DMD: variants seen among roughly 807,000 people sequenced by gnomAD.
The protein encoded by DMD is mutant dystrophin.
A neutral mutation model predicts 330.1 loss-of-function variants in DMD; 63 were observed. The observed-to-expected ratio is 0.19, with a 90% CI of 0.16 to 0.24. The LOEUF (loss-of-function observed/expected upper bound fraction) is 0.24, where lower values mean the gene tolerates loss of function less well. DMD is among the 10% of genes least tolerant of loss of function. The pLI, the probability that DMD is intolerant of heterozygous loss-of-function variation, is 1.00. For synonymous variants in DMD, 1,223 were observed against 959.8 expected (o/e 1.27, Z -5.07); for missense variants, 3,344 against 2,684.1 (o/e 1.25, Z -5.43).
intron 7 of DMD, among the ~76,000 whole-genome samples, chrX:32,727,181 A>G (rs2066983107): frequency 9.0e-6 from 1 of 111,484 alleles, no homozygotes; most frequent in Non-Finnish European, 1.9e-5. Context: ...CTGGTACAAA[A>G]ATTCAGTTAG....
chrX:32,827,054 G>A lies in DMD; in HGVS notation c.265-3667C>T, dbSNP rs777108669. Among the ~76,000 whole-genome samples, 8 of 58,836 alleles carry A rather than the reference G, an allele frequency of 1.4e-4. 1 individual carries two copies. The highest frequency in any genetic ancestry group is 1.2e-3 in the South Asian group (2 of 1,678). The allele number at this position is 58,836 out of a possible 115,157, so 51.1% of individuals were successfully genotyped here. ...AAAATAAGTCATTGGAACACACATC[G>A]CACCCCCCCCCCACACACACACACA... On this transcript the variant is annotated intron_variant, in intron 4 of 78. Coordinates refer to ENST00000357033, the MANE Select transcript of DMD (RefSeq NM_004006.3).
At chrX:32,483,169 C>T (rs1175472354) in intron 21 of DMD, among the ~76,000 whole-genome samples, 39 of 34,565 alleles carry the variant, frequency 1.1e-3, no homozygotes, top group East Asian at 2.6e-3. Flanking sequence ...ATATATACAC[C>T]ATATTTAATT....
At chrX:31,428,010 T>C (rs2063809176) in intron 60 of DMD, among the ~76,000 whole-genome samples, 1 of 112,439 alleles carries the variant, frequency 8.9e-6, no homozygotes, top group Admixed American at 9.4e-5. Flanking sequence ...ATTTATCTTC[T>C]GGTTCAGTCA....
intron 1 of DMD, among the ~76,000 whole-genome samples, chrX:33,245,293 A>T (rs1373813204): frequency 2.7e-5 from 3 of 110,988 alleles, no homozygotes; most frequent in Non-Finnish European, 5.7e-5. Context: ...AGTAAAAAAA[A>T]AAAAAGAAAA....
intron 64 of DMD, among the ~76,000 whole-genome samples, chrX:31,220,973 ATTC>A (rs1219966510): frequency 4.4e-5 from 4 of 90,985 alleles, no homozygotes; most frequent in Non-Finnish European, 8.2e-5. Context: ...GTCCAAGACA[ATTC>A]TTCTTCCACT....
chrX:32,610,879 T>TG (rs1461727267), intron 12 of DMD, among the ~76,000 whole-genome samples: 7 of 111,068 alleles, frequency 6.3e-5, no homozygotes, highest in African/African-American at 2.3e-4. Context: ...TTACAATTCT[T>TG]GGGAAAAAAA....
At chrX:31,931,198 A>G (rs1225820475) in intron 46 of DMD, among the ~76,000 whole-genome samples, 4 of 111,562 alleles carry the variant, frequency 3.6e-5, no homozygotes, top group Non-Finnish European at 7.5e-5. Flanking sequence ...TAAATAAAAT[A>G]GTGGCTGTAA....
At chrX:33,265,164 T>C (rs373332854) in intron 1 of DMD, among the ~76,000 whole-genome samples, 24 of 110,437 alleles carry the variant, frequency 2.2e-4, no homozygotes, top group African/African-American at 7.2e-4. Context: ...AATTTTTTTT[T>C]CCCTAAAGAA....
chrX:31,486,976 G>A (rs898846651), intron 57 of DMD, among the ~76,000 whole-genome samples: 8 of 111,738 alleles, frequency 7.2e-5, no homozygotes, highest in Non-Finnish European at 1.3e-4. Flanking sequence ...ACTTAAAAGC[G>A]AGGTCTTGGA....
chrX:31,452,857 G>C (rs1187731035), intron 59 of DMD, among the ~76,000 whole-genome samples: 1 of 111,713 alleles, frequency 9.0e-6, no homozygotes, highest in Admixed American at 9.5e-5. Flanking sequence ...ATGAGGAACA[G>C]GGAAGTATTG....
chrX:32,216,739 C>T, intron 44 of DMD, 177 bp downstream of exon 44: 1 of 460,079 alleles, frequency 2.2e-6, no homozygotes. Flanking sequence ...CACAAAAAGT[C>T]CATAGCACCG....
At chrX:31,265,796 G>T (rs1603264667) in intron 62 of DMD, among the ~76,000 whole-genome samples, 2 of 50,203 alleles carry the variant, frequency 4.0e-5, no homozygotes, top group Non-Finnish European at 7.1e-5. Context: ...GGGGGGGGGG[G>T]GTGGGTGACA....
chrX:31,502,408 CA>C lies in DMD; in HGVS notation c.8390+4872del, dbSNP rs762751759. On this transcript the variant is annotated intron_variant, in intron 56 of 78. Transcript: ENST00000357033. ...AAGAAGGTCAGAGATATTCAATGTC[CA>C]AGTTGCAGTTTTCTCTCAAAGGTAG... 5.6e-3 allele frequency among the ~76,000 whole-genome samples: 619 copies of C among 110,403 alleles called. 3 individuals carry two copies. The highest frequency in any genetic ancestry group is 9.2e-3 in the Middle Eastern group (2 of 218).
intron 44 of DMD, among the ~76,000 whole-genome samples, chrX:32,037,908 A>G (rs1315099182): frequency 9.0e-6 from 1 of 111,527 alleles, no homozygotes; most frequent in African/African-American, 3.3e-5. Context: ...CATTATTCCA[A>G]TTTTTCATGT....
In DMD at chrX:31,178,193, C is replaced by T. The variant is rs184080816; in HGVS notation, c.10224-223G>A. On this transcript the variant is annotated intron_variant, in intron 70 of 78. Transcript: ENST00000357033. The stretch of plus-strand genomic sequence containing the variant: ...GGAGCAGGTTGAAAAGAGGTGAAGA[C>T]GTCCCCTTTGATCTTGAGAATCATT... 2.4e-4 allele frequency: 183 copies of T among 752,192 alleles called. No individual in the cohort carries two copies. The Admixed American group carries it at 3.6e-3, about 15-fold the overall frequency. 62.0% of individuals were successfully genotyped at this position (752,192 alleles called of 1,213,427 possible).
intron 62 of DMD, among the ~76,000 whole-genome samples, chrX:31,319,722 T>A (rs1290621135): frequency 8.9e-6 from 1 of 112,622 alleles, no homozygotes; most frequent in African/African-American, 3.2e-5. Context: ...TATGCTTTTA[T>A]TATGACATCT....
intron 29 of DMD, among the ~76,000 whole-genome samples, chrX:32,428,184 C>T (rs7051000): frequency 0.19 from 20,729 of 110,682 alleles, 1,736 homozygotes; most frequent in African/African-American, 0.32. Context: ...GTCTCTTCTA[C>T]AAAAATTAAC....
At chrX:32,558,942 T>TTTTTTTTTTTTTTTTC (rs2050653495) in intron 16 of DMD, among the ~76,000 whole-genome samples, 9 of 29,492 alleles carry the variant, frequency 3.1e-4, no homozygotes, top group African/African-American at 1.3e-3. Flanking sequence ...AATTTTCTTT[T>TTTTTTTTTTTTTTTTC]TTTTTTTTTT....
chrX:31,529,697 T>C (rs370354737), intron 55 of DMD, among the ~76,000 whole-genome samples: 12 of 112,178 alleles, frequency 1.1e-4, no homozygotes, highest in African/African-American at 3.9e-4. Context: ...ACACCACTGT[T>C]TGTGCACCCA....
Sources: gnomAD v4.1 joint callset for allele counts (sites outside exome capture counted in the v4.1 genomes callset) on GRCh38, gnomAD v4.1.1 for gene constraint, MANE v1.5 for transcripts, NCBI Gene and HGNC (gene_info 2026-07-23, HGNC 2026-07-21) for gene names.